Variants in HOMER2 observed in about 807,000 individuals in gnomAD.
HOMER2 encodes homer protein homolog 2.
In HOMER2, 27 loss-of-function variants were observed where a neutral mutation model predicts 47.0. The observed-to-expected ratio is 0.57, with a 90% CI of 0.42 to 0.79. HOMER2 has a LOEUF of 0.79. Ranked by LOEUF, HOMER2 falls within the 30% of genes least tolerant of loss-of-function variation. The probability of loss-of-function intolerance (pLI) is 0.00; values close to 1 mark genes in which losing one functional copy is unlikely to be tolerated. For missense variants in HOMER2, 443 were observed against 435.0 expected, an observed-to-expected ratio of 1.02 and a Z score of -0.16; for synonymous variants, 161 against 163.8, an observed-to-expected ratio of 0.98 and a Z score of 0.13.
intron 2 of HOMER2, among the ~76,000 whole-genome samples, chr15:82,889,764 G>C (rs747372684): frequency 6.2e-4 from 94 of 152,182 alleles, no homozygotes; most frequent in Non-Finnish European, 1.2e-3. Context: ...CACAGGGTAT[G>C]ATCTAGACCT....
At chr15:82,903,194 G>A (rs1311224605) in intron 1 of HOMER2, among the ~76,000 whole-genome samples, 1 of 152,202 alleles carries the variant, frequency 6.6e-6, no homozygotes, top group Non-Finnish European at 1.5e-5. Context: ...CTGGAGATGA[G>A]GGCCTGGCCT....
intron 2 of HOMER2, among the ~76,000 whole-genome samples, chr15:82,890,649 A>G (rs1333467885): frequency 6.6e-6 from 1 of 152,226 alleles, no homozygotes; most frequent in African/African-American, 2.4e-5. Context: ...AGTGGCTGAC[A>G]CTTTGACGAA....
chr15:82,856,313 C>G (rs977415998), intron 5 of HOMER2, among the ~76,000 whole-genome samples: 5 of 152,204 alleles, frequency 3.3e-5, no homozygotes, highest in African/African-American at 9.6e-5. Flanking sequence ...GTGACTTAAA[C>G]AACCAAAAAC....
intron 1 of HOMER2, among the ~76,000 whole-genome samples, chr15:82,971,161 T>A (rs900987499): frequency 6.6e-6 from 1 of 152,216 alleles, no homozygotes; most frequent in African/African-American, 2.4e-5. Context: ...CAATTCTTGA[T>A]AATGAGCAGC....
downstream of HOMER2, among the ~76,000 whole-genome samples, chr15:82,848,224 C>T (rs2051281525): frequency 6.6e-6 from 1 of 152,144 alleles, no homozygotes; most frequent in South Asian, 2.1e-4. Flanking sequence ...GACCCCATCT[C>T]CCTCCTTCCT....
At chr15:82,926,462 C>G (rs2053854731) in intron 1 of HOMER2, 1 of 152,210 alleles carries the variant, frequency 6.6e-6, no homozygotes, top group Admixed American at 6.5e-5. Flanking sequence ...CCGAGGCAGG[C>G]AGATCATCTG....
At chr15:82,844,094 C>G (rs187686298), downstream of HOMER2, 1 of 152,198 alleles carries the variant, frequency 6.6e-6, no homozygotes, top group East Asian at 1.9e-4. Flanking sequence ...GCAGACACTG[C>G]GGAACTGCTC....
intron 1 of HOMER2, among the ~76,000 whole-genome samples, chr15:82,915,413 C>A (rs4843145): frequency 0.59 from 89,319 of 151,470 alleles, 27,953 homozygotes; most frequent in African/African-American, 0.8. Context: ...ATCACACATC[C>A]AAAGTCTCAG....
chr15:82,948,699 G>A (rs1291730629), intron 1 of HOMER2, among the ~76,000 whole-genome samples: 3 of 152,232 alleles, frequency 2.0e-5, no homozygotes, highest in African/African-American at 7.2e-5. Context: ...GAGAATTCCA[G>A]GCAGGGGAAA....
intron 1 of HOMER2, among the ~76,000 whole-genome samples, chr15:82,942,356 G>A (rs763358129): frequency 1.3e-5 from 2 of 152,148 alleles, no homozygotes; most frequent in Non-Finnish European, 1.5e-5. Flanking sequence ...ACTGATGAAG[G>A]GTGATCAGAA....
chr15:82,921,582 TC>T (rs2053730311), intron 1 of HOMER2, among the ~76,000 whole-genome samples: 1 of 152,154 alleles, frequency 6.6e-6, no homozygotes. Context: ...TCGTCCCCCA[TC>T]CCGCTGATAT....
At position 82,868,541 on chromosome 15, in the gene HOMER2, A is replaced by ATAT; in HGVS notation, c.295-4283_295-4282insATA. On this transcript the variant is annotated intron_variant, in intron 3 of 8. Coordinates refer to ENST00000450735, the MANE Select transcript of HOMER2 (RefSeq NM_004839.4). ...ATTTATTTTATATATATATATATAT[A>ATAT]TTTTTTTTTTTTTTTTTCCCCTTTT... Among the ~76,000 whole-genome samples, 143 of 71,268 alleles carry ATAT rather than the reference A, an allele frequency of 2.0e-3. 4 individuals are homozygous for ATAT. Among genetic ancestry groups the ATAT allele is most frequent in the African/African-American group, 6.8e-3 (136 of 19,994 alleles). The allele number at this position is 71,268 out of a possible 152,430, so 46.8% of individuals were successfully genotyped here. A position where few individuals can be genotyped will look rare whatever the true frequency, so the allele number is the denominator to read the frequency against.
intron 3 of HOMER2, among the ~76,000 whole-genome samples, chr15:82,872,934 T>TG (rs1420460301): frequency 5.3e-5 from 8 of 152,206 alleles, no homozygotes; most frequent in African/African-American, 1.9e-4. Context: ...AAAATACTCA[T>TG]GTTCCATATG....
At chr15:82,859,693 C>G (rs2051709116) in intron 4 of HOMER2, among the ~76,000 whole-genome samples, 1 of 152,178 alleles carries the variant, frequency 6.6e-6, no homozygotes, top group African/African-American at 2.4e-5. Flanking sequence ...CTACTTAGTG[C>G]TGTTATGAAT....
At chr15:82,904,605 A>G (rs557491350) in intron 1 of HOMER2, among the ~76,000 whole-genome samples, 1 of 152,338 alleles carries the variant, frequency 6.6e-6, no homozygotes, top group African/African-American at 2.4e-5. Flanking sequence ...CAGCTGGGGT[A>G]CTATCAGCAC....
intron 1 of HOMER2, among the ~76,000 whole-genome samples, chr15:82,983,457 T>C (rs1021764633): frequency 6.6e-6 from 1 of 152,334 alleles, no homozygotes; most frequent in Non-Finnish European, 1.5e-5. Flanking sequence ...ATTTCACCAG[T>C]GTTTCAAATT....
exon 2 of HOMER2, chr15:82,843,691 A>T (rs1305381800): frequency 6.6e-6 from 1 of 152,108 alleles, no homozygotes; most frequent in Non-Finnish European, 1.5e-5. Flanking sequence ...TTACATTTTA[A>T]CCAAAAAAAT....
At chr15:82,924,922 T>C (rs1362285858) in intron 1 of HOMER2, among the ~76,000 whole-genome samples, 2 of 152,230 alleles carry the variant, frequency 1.3e-5, no homozygotes, top group Admixed American at 6.5e-5. Flanking sequence ...CTTTGTTCCA[T>C]TGTGCATATC....
chr15:82,863,532 T>C (rs988887295), intron 4 of HOMER2, among the ~76,000 whole-genome samples: 8 of 152,170 alleles, frequency 5.3e-5, no homozygotes, highest in Admixed American at 3.3e-4. Context: ...TGCCCCTAAG[T>C]ATTCTCTCCT....
Sources: gnomAD v4.1 joint callset for allele counts (sites outside exome capture counted in the v4.1 genomes callset) on GRCh38, gnomAD v4.1.1 for gene constraint, MANE v1.5 for transcripts, NCBI Gene and HGNC (gene_info 2026-07-23, HGNC 2026-07-21) for gene names.